Variants in PTDSS2 observed in about 807,000 individuals in gnomAD.
PTDSS2 encodes phosphatidylserine synthase 2, also known as PSS-2.
In PTDSS2, 41 loss-of-function variants were observed where a neutral mutation model predicts 64.7. The observed-to-expected ratio is 0.63, with a 90% CI of 0.49 to 0.82. The LOEUF (loss-of-function observed/expected upper bound fraction) is 0.82, where lower values mean the gene tolerates loss of function less well. Ranked by LOEUF, PTDSS2 falls within the 40% of genes least tolerant of loss-of-function variation. The pLI is 0.00. For synonymous variants in PTDSS2, 297 were observed against 277.8 expected, an observed-to-expected ratio of 1.07 and a Z score of -0.69; for missense variants, 485 against 650.0, an observed-to-expected ratio of 0.75 and a Z score of 2.76.
At chr11:488,127 G>T in intron 6 of PTDSS2, 72 bp from the exon 7 acceptor site, 1 of 1,151,048 alleles carries the variant, frequency 8.7e-7, no homozygotes, top group Non-Finnish European at 1.3e-6. Flanking sequence ...CCGGGGTGGG[G>T]GCTGCACGCA....
chr11:488,713 T>C, intron 8 of PTDSS2, 66 bp downstream of exon 8: 6 of 1,204,458 alleles, frequency 5.0e-6, no homozygotes, highest in Non-Finnish European at 7.4e-6. Flanking sequence ...TCAGCGTCCG[T>C]GCTCCAGCAG....
intron 1 of PTDSS2, among the ~76,000 whole-genome samples, chr11:458,294 T>C (rs1169502104): frequency 6.7e-6 from 1 of 149,820 alleles, no homozygotes; most frequent in South Asian, 2.1e-4. Context: ...AGGCTCCGCC[T>C]CCCGGGTTCA....
At chr11:468,443 G>A (rs1168723268) in intron 2 of PTDSS2, among the ~76,000 whole-genome samples, 5 of 152,256 alleles carry the variant, frequency 3.3e-5, no homozygotes, top group African/African-American at 4.8e-5. Context: ...AGCAGACCGT[G>A]TGCAGATTTT....
upstream of PTDSS2, among the ~76,000 whole-genome samples, chr11:449,420 C>T (rs1022594619): frequency 6.6e-6 from 1 of 152,224 alleles, no homozygotes; most frequent in Non-Finnish European, 1.5e-5. Context: ...GCGCATGCTT[C>T]GCTCCTCTAT....
At chr11:487,786 A>G (rs1848462499) in intron 6 of PTDSS2, among the ~76,000 whole-genome samples, 1 of 152,206 alleles carries the variant, frequency 6.6e-6, no homozygotes, top group Non-Finnish European at 1.5e-5. Flanking sequence ...CTATGGGGCT[A>G]AGAGCAGTGC....
Position 488,527 on chromosome 11 carries a change from A to C in PTDSS2, c.736-2A>C. The C allele has an allele frequency of 6.2e-7, 1 of 1,612,128 alleles. No individual in the cohort carries two copies. The highest frequency in any genetic ancestry group is 8.5e-7 in the Non-Finnish European group (1 of 1,178,852). ...GCAACGAGTGCTGGCCCCTCCCTGC[A>C]GTGGATCATGGACGTGCTCGTCTGC... is the stretch of plus-strand genomic sequence containing the variant. On this transcript the variant is annotated splice_acceptor_variant, in intron 7 of 11. Transcript: ENST00000308020. LOFTEE classifies it high-confidence loss of function.
In PTDSS2 at chr11:460,012, G is replaced by T. The variant is rs1171501979; in HGVS notation, c.183-175G>T. ...TCTCAGCCCTGACTGGCCAGCAGAC[G>T]CAGGGTCATCTCGGAGTTACCCAGC... is the stretch of plus-strand genomic sequence containing the variant. On this transcript the variant is annotated intron_variant, in intron 1 of 11. Coordinates refer to ENST00000308020, the MANE Select transcript of PTDSS2 (RefSeq NM_030783.3). This position sits in a 1 kb window ranked among gnomAD's most constrained non-coding sequence, Gnocchi z 5.8. The T allele has an allele frequency of 1.8e-5, 11 of 599,468 alleles. No individual in the cohort carries two copies. Among genetic ancestry groups the T allele is most frequent in the South Asian group, 1.1e-4 (6 of 53,374 alleles). 37.1% of individuals were successfully genotyped at this position (599,468 alleles called of 1,614,324 possible). A position where few individuals can be genotyped will look rare whatever the true frequency, so the allele number is the denominator to read the frequency against.
At chr11:456,531 G>A (rs73385845) in intron 1 of PTDSS2, among the ~76,000 whole-genome samples, 4,904 of 152,032 alleles carry the variant, frequency 0.032, 275 homozygotes, top group African/African-American at 0.11. Flanking sequence ...TCTCCTCACC[G>A]AAATCTGATG....
chr11:454,101 G>A (rs1167692028), intron 1 of PTDSS2, among the ~76,000 whole-genome samples: 5 of 152,204 alleles, frequency 3.3e-5, no homozygotes, highest in Admixed American at 6.5e-5. Context: ...TGTAGACGTC[G>A]TGCTGCGTGT....
chr11:464,918 C>T (rs1357385515), intron 2 of PTDSS2, among the ~76,000 whole-genome samples: 1 of 152,042 alleles, frequency 6.6e-6, no homozygotes, highest in Non-Finnish European at 1.5e-5. Context: ...TGAAGAATAA[C>T]AAAGTTGGAC....
At chr11:488,428 A>G (rs1848504644) in intron 7 of PTDSS2, 101 bp from the exon 8 acceptor site, 2 of 1,328,600 alleles carry the variant, frequency 1.5e-6, no homozygotes, top group Admixed American at 3.4e-5. Flanking sequence ...CAGTGGGTGC[A>G]GGCTGAGGGG....
intron 4 of PTDSS2, chr11:480,487 A>G: frequency 6.5e-6 from 1 of 154,712 alleles, no homozygotes; most frequent in Non-Finnish European, 1.4e-5. Flanking sequence ...TGCGGTGGGC[A>G]GCCTCTTCCC....
chr11:479,703 T>C lies in PTDSS2; in HGVS notation c.435+551T>C, dbSNP rs984221026. On this transcript the variant is annotated intron_variant, in intron 4 of 11. Transcript: ENST00000308020. The surrounding 1 kb of genome is among the most constrained non-coding windows in gnomAD (Gnocchi z 4.2). ...TGACCAGTGTGACTGTGTGTGCTTC[T>C]TCCCCATCCTGACCACATTCTGCAA... Among the ~76,000 whole-genome samples the C allele has an allele frequency of 1.3e-5, 2 of 150,418 alleles. No homozygotes were observed. Among genetic ancestry groups the C allele is most frequent in the Non-Finnish European group, 3.0e-5 (2 of 67,676 alleles).
upstream of PTDSS2, chr11:450,136 G>C (rs762831435): frequency 7.5e-5 from 20 of 265,494 alleles, no homozygotes; most frequent in Non-Finnish European, 1.1e-4. Context: ...GCCATCCGCA[G>C]CTTGGTTCCT....
chr11:489,095 C>T (rs960654942), intron 8 of PTDSS2, among the ~76,000 whole-genome samples: 12 of 152,254 alleles, frequency 7.9e-5, no homozygotes, highest in Admixed American at 6.5e-4. Flanking sequence ...CTCACGGCAC[C>T]GTGGAGCGCC....
intron 1 of PTDSS2, among the ~76,000 whole-genome samples, chr11:455,179 C>G (rs1564958981): frequency 1.3e-5 from 2 of 152,308 alleles, no homozygotes; most frequent in African/African-American, 2.4e-5. Context: ...GATCTAGCTT[C>G]TGGGTCTCCC....
upstream of PTDSS2, among the ~76,000 whole-genome samples, chr11:449,880 G>A (rs1846238701): frequency 6.6e-6 from 1 of 152,232 alleles, no homozygotes; most frequent in African/African-American, 2.4e-5. Flanking sequence ...TCCGAGAGGC[G>A]GAGGTTGCAG....
chr11:486,880 C>T, intron 4 of PTDSS2, 59 bp from the exon 5 acceptor site: 2 of 1,542,052 alleles, frequency 1.3e-6, no homozygotes, highest in South Asian at 1.2e-5. Flanking sequence ...ACCATGATCT[C>T]CCGTTTCAAG....
chr11:448,864 A>G (rs758333545), upstream of PTDSS2, among the ~76,000 whole-genome samples: 5 of 152,234 alleles, frequency 3.3e-5, no homozygotes, highest in Non-Finnish European at 7.3e-5. Context: ...ACATTCACAG[A>G]TAGGAGCTGA....
Sources: allele counts gnomAD v4.1 joint callset (sites outside exome capture counted in the v4.1 genomes callset), GRCh38; gene constraint gnomAD v4.1.1; non-coding constraint Gnocchi (gnomAD v3.1); transcripts MANE v1.5; gene names NCBI Gene and HGNC (gene_info 2026-07-23, HGNC 2026-07-21).